C7orf78: variants seen among roughly 807,000 people sequenced by gnomAD.
C7orf78 encodes the protein putative uncharacterized protein C7orf78.
chr7:12,518,396 G>A, the C7orf78 span, among the ~76,000 whole-genome samples: 76 of 152,260 alleles, frequency 5.0e-4, no homozygotes, highest in African/African-American at 1.5e-3. Flanking sequence ...CCAGGTGGGT[G>A]TACTGGTTTT....
At chr7:12,535,175 T>C in the C7orf78 span, among the ~76,000 whole-genome samples, 1 of 152,092 alleles carries the variant, frequency 6.6e-6, no homozygotes, top group Non-Finnish European at 1.5e-5. Flanking sequence ...ACAGGAAGCA[T>C]AGGTTTATTC....
the C7orf78 span, among the ~76,000 whole-genome samples, chr7:12,534,987 G>C: frequency 6.7e-6 from 1 of 149,328 alleles, no homozygotes; most frequent in African/African-American, 2.5e-5. Flanking sequence ...GGGAAGGAAG[G>C]AAGGAAGGAA....
the C7orf78 span, among the ~76,000 whole-genome samples, chr7:12,511,066 T>C: frequency 6.6e-6 from 1 of 152,146 alleles, no homozygotes; most frequent in Non-Finnish European, 1.5e-5. Flanking sequence ...TTTTTGCATA[T>C]GGTGAGAAAT....
At chr7:12,496,532 G>A in the C7orf78 span, 1 of 152,146 alleles carries the variant, frequency 6.6e-6, no homozygotes. Flanking sequence ...AATCTTTGGA[G>A]ACATTCTCAA....
the C7orf78 span, chr7:12,504,269 A>T: frequency 6.6e-6 from 1 of 152,144 alleles, no homozygotes; most frequent in African/African-American, 2.4e-5. Context: ...CTGATTTTCA[A>T]CCTTTGGAAA....
At chr7:12,508,726 T>G in the C7orf78 span, among the ~76,000 whole-genome samples, 4 of 152,196 alleles carry the variant, frequency 2.6e-5, no homozygotes, top group Non-Finnish European at 5.9e-5. Context: ...TTCACCTGTA[T>G]TTACAGCCAC....
chr7:12,488,762 A>G, the C7orf78 span, among the ~76,000 whole-genome samples: 2 of 152,104 alleles, frequency 1.3e-5, no homozygotes, highest in East Asian at 1.9e-4. Flanking sequence ...TTCAAAAAGA[A>G]TTGCTTAAAA....
chr7:12,507,304 CAAA>C, the C7orf78 span: 27 of 75,084 alleles, frequency 3.6e-4, no homozygotes, highest in Non-Finnish European at 6.3e-4. Flanking sequence ...GAGACTCCAC[CAAA>C]AAAAAAAAAA....
chr7:12,485,842 G>A, the C7orf78 span, among the ~76,000 whole-genome samples: 1 of 150,850 alleles, frequency 6.6e-6, no homozygotes, highest in South Asian at 2.1e-4. Flanking sequence ...ACGTCATAGG[G>A]CCTCTAAAGT....
the C7orf78 span, among the ~76,000 whole-genome samples, chr7:12,505,066 G>C: frequency 5.3e-5 from 8 of 151,828 alleles, no homozygotes; most frequent in African/African-American, 1.9e-4. Context: ...AAAATATTTA[G>C]TGACTTTCCT....
At chr7:12,513,860 C>A in the C7orf78 span, among the ~76,000 whole-genome samples, 1 of 151,902 alleles carries the variant, frequency 6.6e-6, no homozygotes, top group Non-Finnish European at 1.5e-5. Context: ...ATTAGCTGGG[C>A]GTGGTGGTGG....
the C7orf78 span, among the ~76,000 whole-genome samples, chr7:12,537,231 G>A: frequency 1.3e-5 from 2 of 152,220 alleles, no homozygotes; most frequent in Admixed American, 1.3e-4. Flanking sequence ...CACAGTCATG[G>A]CGGAAGGTGA....
the C7orf78 span, among the ~76,000 whole-genome samples, chr7:12,519,682 T>C: frequency 2.0e-5 from 3 of 152,216 alleles, no homozygotes; most frequent in Non-Finnish European, 4.4e-5. Context: ...TTGTGCCCAG[T>C]GGCCACCTCC....
chr7:12,497,922 G>C, the C7orf78 span, among the ~76,000 whole-genome samples: 33,937 of 151,014 alleles, frequency 0.22, 4,709 homozygotes, highest in East Asian at 0.51. Context: ...GTGGGTCCCT[G>C]ACCCCTGACC....
At chr7:12,531,059 T>A in the C7orf78 span, 3 of 398,356 alleles carry the variant, frequency 7.5e-6, no homozygotes, top group South Asian at 2.5e-4. Context: ...ATGGATCGTG[T>A]GGAAGAAAAG....
the C7orf78 span, among the ~76,000 whole-genome samples, chr7:12,486,242 TC>T: frequency 4.3e-4 from 66 of 152,078 alleles, no homozygotes; most frequent in Non-Finnish European, 8.2e-4. Flanking sequence ...GTAATAGAAC[TC>T]CATTCCATCT....
the C7orf78 span, chr7:12,506,797 AG>A: frequency 2.8e-6 from 1 of 358,222 alleles, no homozygotes; most frequent in South Asian, 2.2e-5. Context: ...TAAAATAAAA[AG>A]GGACAGAGAT....
chr7:12,514,221 G>C, the C7orf78 span, among the ~76,000 whole-genome samples: 1 of 151,858 alleles, frequency 6.6e-6, no homozygotes, highest in African/African-American at 2.4e-5. Context: ...TATAGATCTG[G>C]GTGCTCCAGT....
chr7:12,490,208 C>T, the C7orf78 span, among the ~76,000 whole-genome samples: 1 of 152,082 alleles, frequency 6.6e-6, no homozygotes, highest in Non-Finnish European at 1.5e-5. Flanking sequence ...TTACATTTTA[C>T]TTCTGATGTA....
Sources: allele counts gnomAD v4.1 joint callset (sites outside exome capture counted in the v4.1 genomes callset), GRCh38; gene constraint gnomAD v4.1.1; transcripts MANE v1.5; gene names NCBI Gene and HGNC (gene_info 2026-07-23, HGNC 2026-07-21).